Variants in PTPN14 observed in about 807,000 individuals in gnomAD.
PTPN14 encodes tyrosine-protein phosphatase non-receptor type 14.
A neutral mutation model predicts 126.8 loss-of-function variants in PTPN14; 53 were observed. That is an observed-to-expected ratio of 0.42 (90% CI 0.34 to 0.53). The LOEUF (loss-of-function observed/expected upper bound fraction) is 0.53. Among genes scored for constraint, PTPN14 ranks in the 20% least tolerant of loss-of-function variants. The pLI is 0.08. For missense variants in PTPN14, 1,257 were observed against 1,552.9 expected (o/e 0.81, Z 3.20); for synonymous variants, 630 against 599.3 (o/e 1.05, Z -0.75).
chr1:214,402,988 G>A (rs527813896), intron 5 of PTPN14, 35 bp from the exon 6 acceptor site: 3 of 1,599,506 alleles, frequency 1.9e-6, no homozygotes, highest in East Asian at 4.5e-5. Context: ...GTCACATGAG[G>A]GTGTGGGCAT....
At chr1:214,456,540 T>C (rs886824670) in intron 2 of PTPN14, among the ~76,000 whole-genome samples, 1 of 152,168 alleles carries the variant, frequency 6.6e-6, no homozygotes, top group African/African-American at 2.4e-5. Context: ...CTGACACATC[T>C]ATAATTAACA....
chr1:214,397,273 C>A (rs527881428), intron 8 of PTPN14, among the ~76,000 whole-genome samples: 1 of 152,270 alleles, frequency 6.6e-6, no homozygotes, highest in Non-Finnish European at 1.5e-5. Context: ...GAAAGCTGTT[C>A]TTCCAATCAT....
chr1:214,393,527 C>T (rs903513667), intron 10 of PTPN14, among the ~76,000 whole-genome samples, 168 bp downstream of exon 10: 1 of 152,166 alleles, frequency 6.6e-6, no homozygotes, highest in Non-Finnish European at 1.5e-5. Flanking sequence ...ACTAGACAGT[C>T]TTCATCATTA....
intron 1 of PTPN14, among the ~76,000 whole-genome samples, chr1:214,517,766 G>A (rs1053314490): frequency 3.9e-5 from 6 of 152,004 alleles, no homozygotes; most frequent in African/African-American, 7.2e-5. Flanking sequence ...CCAACATAGC[G>A]AAACTGTGTC....
Position 214,384,529 on chromosome 1 carries a change from G to A in PTPN14, c.1326C>T (p.Thr442=). Residue 442 remains threonine, a synonymous_variant, in exon 13 of 19, where the codon ACC becomes ACT. Transcript: ENST00000366956. The surrounding 1 kb of genome is among the most constrained non-coding windows in gnomAD (Gnocchi z 5.3). The part of the protein sequence containing the change: ...SAIIVPSYRP[T]PDYETVMRQM... ...GGCGCATGACTGTCTCATAATCGGGGGTTGGCCTGTACGAGGGCACGATGA... is the reference window on the plus strand; with the variant it reads ...GGCGCATGACTGTCTCATAATCGGGAGTTGGCCTGTACGAGGGCACGATGA... 1 of 1,614,138 alleles carries A rather than the reference G, an allele frequency of 6.2e-7. No homozygotes were observed. Among genetic ancestry groups the A allele is most frequent in the Non-Finnish European group, 8.5e-7 (1 of 1,180,032 alleles).
chr1:214,420,807 T>C (rs1437692500), intron 3 of PTPN14, among the ~76,000 whole-genome samples: 5 of 152,224 alleles, frequency 3.3e-5, no homozygotes, highest in South Asian at 2.1e-4. Flanking sequence ...AATCAATCCA[T>C]AGCATTTAAA....
intron 1 of PTPN14, among the ~76,000 whole-genome samples, chr1:214,496,890 C>T (rs925154939): frequency 2.6e-5 from 4 of 152,048 alleles, no homozygotes; most frequent in Admixed American, 2.6e-4. Context: ...TCAATCATTC[C>T]TTCAGTCTAG....
chr1:214,460,151 T>C lies in PTPN14; in HGVS notation c.174+4479A>G, dbSNP rs149198232. Among the ~76,000 whole-genome samples the C allele has an allele frequency of 5.2e-4, 66 of 127,230 alleles. No homozygotes were observed. In the East Asian group the frequency reaches 0.012, roughly 23 times the overall value. 83.5% of individuals were successfully genotyped at this position (127,230 alleles called of 152,430 possible). On this transcript the variant is annotated intron_variant, in intron 2 of 18. Coordinates refer to ENST00000366956, the MANE Select transcript of PTPN14 (RefSeq NM_005401.5). ...TGCTGCAGCCTCCCCATCTGTAACA[T>C]AGGAACAGCAAGAGTAGGGACACAT...
intron 13 of PTPN14, among the ~76,000 whole-genome samples, chr1:214,379,080 C>T (rs1233754690): frequency 1.3e-5 from 2 of 152,122 alleles, no homozygotes; most frequent in Admixed American, 6.5e-5. Flanking sequence ...AAGCAAGCCA[C>T]GAAGGGCCTT....
chr1:214,534,361 G>C (rs1035062485), intron 1 of PTPN14, among the ~76,000 whole-genome samples: 2 of 152,084 alleles, frequency 1.3e-5, no homozygotes, highest in Non-Finnish European at 2.9e-5. Flanking sequence ...GTTAAAATTG[G>C]GGAAAATCTG....
At chr1:214,401,144 G>A (rs1018282353) in intron 7 of PTPN14, among the ~76,000 whole-genome samples, 2 of 152,126 alleles carry the variant, frequency 1.3e-5, no homozygotes, top group Non-Finnish European at 2.9e-5. Context: ...TGGATGTGCT[G>A]CAAAGGATGT....
rs1658026601 is a variant in PTPN14, at chr1:214,364,458, G to A, written c.3435+54C>T. 1.9e-6 allele frequency: 3 copies of A among 1,590,482 alleles called. No individual in the cohort carries two copies. Among genetic ancestry groups the A allele is most frequent in the South Asian group, 2.3e-5 (2 of 87,198 alleles). On this transcript the variant is annotated intron_variant, in intron 18 of 18. Coordinates refer to ENST00000366956, the MANE Select transcript of PTPN14 (RefSeq NM_005401.5). This position sits in a 1 kb window ranked among gnomAD's most constrained non-coding sequence, Gnocchi z 4.1. Reference sequence around the variant, plus strand: ...GGGTGCAGGCAAAGGTTTGGCCAGGGTGTAGACTTGTCCCCAAGGTGGAGT... The same window carrying A: ...GGGTGCAGGCAAAGGTTTGGCCAGGATGTAGACTTGTCCCCAAGGTGGAGT...
At chr1:214,380,001 C>A (rs751571923) in intron 13 of PTPN14, among the ~76,000 whole-genome samples, 2 of 152,242 alleles carry the variant, frequency 1.3e-5, no homozygotes, top group Non-Finnish European at 2.9e-5. Context: ...TACCCAAGGA[C>A]TTACCACCAA....
chr1:214,402,830 T>C, intron 6 of PTPN14, 53 bp downstream of exon 6: 2 of 1,579,546 alleles, frequency 1.3e-6, no homozygotes, highest in Non-Finnish European at 1.7e-6. Context: ...TCCTGCCCCA[T>C]GGGCTGTAAA....
At chr1:214,547,313 C>T (rs1033759950) in intron 1 of PTPN14, among the ~76,000 whole-genome samples, 2 of 152,170 alleles carry the variant, frequency 1.3e-5, no homozygotes, top group African/African-American at 4.8e-5. Context: ...CATATGATCT[C>T]CAGCCCTGCA....
chr1:214,362,238 C>G (rs912419865), intron 18 of PTPN14, among the ~76,000 whole-genome samples: 1 of 152,292 alleles, frequency 6.6e-6, no homozygotes, highest in East Asian at 1.9e-4. Context: ...AACCATCTAC[C>G]AATAGCAACC....
intron 3 of PTPN14, among the ~76,000 whole-genome samples, chr1:214,432,821 A>G (rs2102609342): frequency 6.6e-6 from 1 of 152,348 alleles, no homozygotes; most frequent in African/African-American, 2.4e-5. Flanking sequence ...GAGAGGGAGC[A>G]CAATGAAGGA....
intron 3 of PTPN14, among the ~76,000 whole-genome samples, chr1:214,448,224 G>A (rs889579540): frequency 6.6e-6 from 1 of 151,988 alleles, no homozygotes; most frequent in Non-Finnish European, 1.5e-5. Flanking sequence ...AACACCAGAG[G>A]AGTACTATTC....
intron 1 of PTPN14, among the ~76,000 whole-genome samples, chr1:214,541,362 G>C (rs552296764): frequency 4.4e-4 from 67 of 152,270 alleles, no homozygotes; most frequent in Admixed American, 1.6e-3. Flanking sequence ...AGATGTTTAG[G>C]GGAGAGGCCA....
Sources: allele counts gnomAD v4.1 joint callset (sites outside exome capture counted in the v4.1 genomes callset), GRCh38; gene constraint gnomAD v4.1.1; non-coding constraint Gnocchi (gnomAD v3.1); transcripts MANE v1.5; gene names NCBI Gene and HGNC (gene_info 2026-07-23, HGNC 2026-07-21).